The following CBX8 variants were observed in gnomAD, a reference collection of about 807,000 sequenced individuals.
CBX8 encodes the protein chromobox 8, also known as chromobox protein homolog 8.
CBX8 carries 8 observed loss-of-function variants against 39.7 expected under a neutral mutation model. That is an observed-to-expected ratio of 0.20 (90% CI 0.12 to 0.36). CBX8 has a LOEUF of 0.36. Among genes scored for constraint, CBX8 ranks in the 10% least tolerant of loss-of-function variants. The probability of loss-of-function intolerance (pLI) is 1.00; values close to 1 mark genes in which losing one functional copy is unlikely to be tolerated. For missense variants in CBX8, 505 were observed against 529.6 expected, an observed-to-expected ratio of 0.95 and a Z score of 0.46; for synonymous variants, 268 against 219.8, an observed-to-expected ratio of 1.22 and a Z score of -1.94.
chr17:79,793,894 A>G lies in CBX8; in HGVS notation c.*741T>C, dbSNP rs1383267926. ...GACATACACACGATCTGCGTGTACC[A>G]CACACACACCCCTCCCTAAAGTGCA... is the stretch of plus-strand genomic sequence containing the variant. On this transcript the variant is annotated 3_prime_UTR_variant, in exon 5 of 5. Transcript: ENST00000269385. 6.6e-6 allele frequency: 1 copy of G among 151,996 alleles called. No homozygotes were observed. Among genetic ancestry groups the G allele is most frequent in the Admixed American group, 6.6e-5 (1 of 15,260 alleles). The allele number at this position is 151,996 out of a possible 1,614,324, so 9.4% of individuals were successfully genotyped here. A position where few individuals can be genotyped will look rare whatever the true frequency, so the allele number is the denominator to read the frequency against.
Position 79,795,339 on chromosome 17 carries a change from T to A in CBX8, c.466A>T (p.Arg156Trp), listed in dbSNP as rs199842203. The change falls in exon 5 of 5, where the codon AGG becomes TGG. Residue 156 changes from arginine (R) to tryptophan (W), a missense_variant. Around this residue, in one of 3 missense-constraint regions of CBX8, gnomAD observed 456 missense variants for 389.2 expected, o/e 1.17. Coordinates refer to ENST00000269385, the MANE Select transcript of CBX8 (RefSeq NM_020649.3). The surrounding 1 kb of genome is among the most constrained non-coding windows in gnomAD (Gnocchi z 5.8). ...APRDRDRDRD[R>W]DRERDRERER... The stretch of plus-strand genomic sequence containing the variant: ...CTTTCTCGATCCCGCTCCCGGTCCC[T>A]ATCCCGGTCTCGGTCCCGGTCCCGA... The A allele has an allele frequency of 6.3e-7, 1 of 1,584,888 alleles. No homozygotes were observed. Among genetic ancestry groups the A allele is most frequent in the Non-Finnish European group, 8.6e-7 (1 of 1,164,386 alleles).
Position 79,796,966 on chromosome 17 carries a change from G to A in CBX8, c.33C>T (p.Phe11=). Reference sequence around the variant, plus strand: ...GCCGCTTCAGGAGGGCTTCGGCCGCGAACACCCGCTCCCCCACCGCTGAAA... The same window carrying A: ...GCCGCTTCAGGAGGGCTTCGGCCGCAAACACCCGCTCCCCCACCGCTGAAA... MELSAVGERV[F]AAEALLKRRI... Residue 11 remains phenylalanine, a synonymous_variant, in exon 1 of 5, where the codon TTC becomes TTT. Coordinates refer to ENST00000269385, the MANE Select transcript of CBX8 (RefSeq NM_020649.3). 6 of 1,610,662 alleles carry A rather than the reference G, an allele frequency of 3.7e-6. No homozygotes were observed. The highest frequency in any genetic ancestry group is 5.1e-6 in the Non-Finnish European group (6 of 1,178,954).
Position 79,795,194 on chromosome 17 carries a change from C to A in CBX8, c.611G>T (p.Arg204Leu), listed in dbSNP as rs767825797. Residue 204 changes from arginine (R) to leucine (L), a missense_variant, in exon 5 of 5, where the codon CGG becomes CTG. Arg to Leu is a moderately radical substitution (Grantham distance 102). Around this residue, in one of 3 missense-constraint regions of CBX8, gnomAD observed 456 missense variants for 389.2 expected, o/e 1.17. Transcript: ENST00000269385. This position sits in a 1 kb window ranked among gnomAD's most constrained non-coding sequence, Gnocchi z 5.8. ...CTGTGAGGGGTCCGGGAGCTCCTTCCGGGGCTTGGGGCCTCGCTTCTTCGA... is the reference window on the plus strand; with the variant it reads ...CTGTGAGGGGTCCGGGAGCTCCTTCAGGGGCTTGGGGCCTCGCTTCTTCGA... ...DSSKKRGPKP[R>L]KELPDPSQRP... 4 of 1,613,318 alleles carry A rather than the reference C, an allele frequency of 2.5e-6. No homozygotes were observed. The highest frequency in any genetic ancestry group is 1.1e-5 in the South Asian group (1 of 90,760).
Position 79,792,967 on chromosome 17 carries a change from C to T in CBX8, c.*1668G>A, listed in dbSNP as rs1907932004. ...CCTCTGGCGTGCAGGGCCCCCGCGCCCCTCCCTCAACAAGCAATGGGAAGT... is the reference window on the plus strand; with the variant it reads ...CCTCTGGCGTGCAGGGCCCCCGCGCTCCTCCCTCAACAAGCAATGGGAAGT... On this transcript the variant is annotated 3_prime_UTR_variant, in exon 5 of 5. Coordinates refer to ENST00000269385, the MANE Select transcript of CBX8 (RefSeq NM_020649.3). 6.6e-6 allele frequency: 1 copy of T among 152,090 alleles called. No individual in the cohort carries two copies. Among genetic ancestry groups the T allele is most frequent in the South Asian group, 2.1e-4 (1 of 4,812 alleles). The allele number at this position is 152,090 out of a possible 1,614,324, so 9.4% of individuals were successfully genotyped here. A position where few individuals can be genotyped will look rare whatever the true frequency, so the allele number is the denominator to read the frequency against.
chr17:79,794,749 G>A lies in CBX8; in HGVS notation c.1056C>T (p.Ser352=), dbSNP rs1201496841. ...CCTTCTCCAGGTTAGTCAGGGAGGG[G>A]CTCCAGGACTCTTCCTCCGGGTCCC... ...ILGDPEEESW[S]PSLTNLEKVV... Residue 352 remains serine (S), a synonymous_variant, in exon 5 of 5, where the codon AGC becomes AGT. Coordinates refer to ENST00000269385, the MANE Select transcript of CBX8 (RefSeq NM_020649.3). 6.2e-7 allele frequency: 1 copy of A among 1,611,254 alleles called. No individual in the cohort carries two copies. The highest frequency in any genetic ancestry group is 8.5e-7 in the Non-Finnish European group (1 of 1,177,584).
At position 79,795,577 on chromosome 17, in the gene CBX8, T is replaced by G; in HGVS notation, c.247-19A>C. 1.3e-6 allele frequency: 2 copies of G among 1,496,154 alleles called. No individual in the cohort carries two copies. The highest frequency in any genetic ancestry group is 2.8e-5 in the South Asian group (2 of 72,100). The allele number at this position is 1,496,154 out of a possible 1,614,324, so 92.7% of individuals were successfully genotyped here. A position where few individuals can be genotyped will look rare whatever the true frequency, so the allele number is the denominator to read the frequency against. On this transcript the variant is annotated intron_variant, in intron 4 of 4. Transcript: ENST00000269385. The surrounding 1 kb of genome is among the most constrained non-coding windows in gnomAD (Gnocchi z 5.8). ...CCTGCGCCTGCAGGAGAGAAGATGG[T>G]CTCAAGAGTGGGGCAGGGCCCTGTC...
Position 79,794,412 on chromosome 17 carries a change from T to C in CBX8, c.*223A>G, listed in dbSNP as rs1374903131. The stretch of plus-strand genomic sequence containing the variant: ...AATATATATATTTAGATATTTTTCT[T>C]AAATAACATATTTACATCTAATAGA... On this transcript the variant is annotated 3_prime_UTR_variant, in exon 5 of 5. Coordinates refer to ENST00000269385, the MANE Select transcript of CBX8 (RefSeq NM_020649.3). 3.1e-6 allele frequency: 1 copy of C among 324,152 alleles called. No individual in the cohort carries two copies. The highest frequency in any genetic ancestry group is 2.1e-5 in the African/African-American group (1 of 46,880). 20.1% of individuals were successfully genotyped at this position (324,152 alleles called of 1,614,324 possible).
Position 79,793,492 on chromosome 17 carries a change from A to T in CBX8, c.*1143T>A, listed in dbSNP as rs899640991. On this transcript the variant is annotated 3_prime_UTR_variant, in exon 5 of 5. Transcript: ENST00000269385. ...CCACACTCCAAGCCTGGCCGTGGAG[A>T]GGCCCTGGGTGCGAAGCCACTGCTC... is the stretch of plus-strand genomic sequence containing the variant. 2 of 152,202 alleles carry T rather than the reference A, an allele frequency of 1.3e-5. No homozygotes were observed. Among genetic ancestry groups the T allele is most frequent in the African/African-American group, 4.8e-5 (2 of 41,382 alleles). The allele number at this position is 152,202 out of a possible 1,614,324, so 9.4% of individuals were successfully genotyped here.
In CBX8 at chr17:79,795,388, G is replaced by T. The variant is rs781600152; in HGVS notation, c.417C>A (p.Ser139Arg). The T allele has an allele frequency of 1.2e-6, 2 of 1,600,370 alleles. No individual in the cohort carries two copies. The highest frequency in any genetic ancestry group is 3.5e-5 in the Admixed American group (2 of 57,702). Residue 139 changes from serine (S) to arginine (R), a missense_variant, in exon 5 of 5, where the codon AGC (serine) becomes AGA (arginine). By Grantham distance (110) the Ser-to-Arg change is moderately radical. Around this residue, in one of 3 missense-constraint regions of CBX8, gnomAD observed 456 missense variants for 389.2 expected, o/e 1.17. Coordinates refer to ENST00000269385, the MANE Select transcript of CBX8 (RefSeq NM_020649.3). The surrounding 1 kb of genome is among the most constrained non-coding windows in gnomAD (Gnocchi z 5.8). ...LSPPASSTSTSSTCRAEAPRD... is the reference protein window; with the variant it reads ...LSPPASSTSTRSTCRAEAPRD... ...GAGGGGCCTCTGCGCGGCAGGTGCT[G>T]CTGGTGCTGGTGCTGCTCGCTGGCG...
In CBX8 at chr17:79,794,843, T is replaced by C. The variant is rs1908006072; in HGVS notation, c.962A>G (p.Tyr321Cys). The C allele has an allele frequency of 6.2e-7, 1 of 1,608,912 alleles. No individual in the cohort carries two copies. Among genetic ancestry groups the C allele is most frequent in the East Asian group, 2.2e-5 (1 of 44,802 alleles). The change falls in exon 5 of 5, where the codon TAC becomes TGC. Residue 321 changes from tyrosine (Y) to cysteine (C), a missense_variant. Transcript: ENST00000269385. ...SGPPSSGGGL[Y>C]RDMGAQGGRP... ...TCCCCCCTGGGCCCCCATGTCCCGG[T>C]ACAGGCCCCCCCCAGAGCTGGGGGG...
chr17:79,796,800 C>G (rs1168332313), intron 1 of CBX8, 130 bp downstream of exon 1: 6 of 895,298 alleles, frequency 6.7e-6, no homozygotes, highest in Non-Finnish European at 9.9e-6. Flanking sequence ...CTGCCGCCGC[C>G]GCCGCCGCCA....
In CBX8 at chr17:79,795,258, T is replaced by C. The variant is rs1426109948; in HGVS notation, c.547A>G (p.Ser183Gly). 1.2e-6 allele frequency: 2 copies of C among 1,611,708 alleles called. No homozygotes were observed. Among genetic ancestry groups the C allele is most frequent in the East Asian group, 4.5e-5 (2 of 44,800 alleles). ...ERERERERGT[S>G]RVDDKPSSPG... ...GAGCTGGGCTTGTCATCCACTCTGCTGGTACCCCGCTCTCGTTCCCTCTCA... is the reference window on the plus strand; with the variant it reads ...GAGCTGGGCTTGTCATCCACTCTGCCGGTACCCCGCTCTCGTTCCCTCTCA... Residue 183 changes from serine to glycine, a missense_variant, in exon 5 of 5, where the codon AGC becomes GGC. By Grantham distance (56) the Ser-to-Gly change is moderately conservative (BLOSUM62 0). Coordinates refer to ENST00000269385, the MANE Select transcript of CBX8 (RefSeq NM_020649.3). This position sits in a 1 kb window ranked among gnomAD's most constrained non-coding sequence, Gnocchi z 5.8.
chr17:79,796,748 C>A (rs1908108592), intron 1 of CBX8, among the ~76,000 whole-genome samples, 182 bp downstream of exon 1: 1 of 134,434 alleles, frequency 7.4e-6, no homozygotes, highest in Non-Finnish European at 1.6e-5. Flanking sequence ...CCATGCAATC[C>A]GTGCATCGCT....
chr17:79,797,009 C>G lies in CBX8; in HGVS notation c.-11G>C, dbSNP rs1421602558. The G allele has an allele frequency of 1.2e-6, 2 of 1,607,064 alleles. No homozygotes were observed. The highest frequency in any genetic ancestry group is 2.7e-5 in the African/African-American group (2 of 74,370). On this transcript the variant is annotated 5_prime_UTR_variant, in exon 1 of 5. Coordinates refer to ENST00000269385, the MANE Select transcript of CBX8 (RefSeq NM_020649.3). ...CGCTGAAAGCTCCATGTTGACTCGC[C>G]GCTTCCCCCCTTGGCCGCTTCCAGG...
intron 1 of CBX8, 36 bp downstream of exon 1, chr17:79,796,894 C>G (rs1198070210): frequency 1.3e-6 from 2 of 1,574,158 alleles, no homozygotes; most frequent in African/African-American, 1.4e-5. Context: ...GGGGAGGGCC[C>G]GGCCGCACGG....
Position 79,796,901 on chromosome 17 carries a change from ACGGAGGCCCTAGGCCCGGGGGCACC to A in CBX8, c.69+4_69+28del. 2 of 1,578,164 alleles carry A rather than the reference ACGGAGGCCCTAGGCCCGGGGGCACC, an allele frequency of 1.3e-6. No homozygotes were observed. The highest frequency in any genetic ancestry group is 2.3e-5 in the South Asian group (2 of 87,984). Reference sequence around the variant, plus strand: ...GGCCGGGAGGGGAGGGCCCGGCCGCACGGAGGCCCTAGGCCCGGGGGCACCTACTTTCCGTATGCGCCGCTTCAGG... The same window carrying A: ...GGCCGGGAGGGGAGGGCCCGGCCGCATACTTTCCGTATGCGCCGCTTCAGG... On this transcript the variant is annotated splice_donor_5th_base_variant and intron_variant, in intron 1 of 4. Transcript: ENST00000269385.
Position 79,795,907 on chromosome 17 carries a change from C to A in CBX8, c.246+150G>T. The A allele has an allele frequency of 1.3e-6, 1 of 752,996 alleles. No individual in the cohort carries two copies. 46.6% of individuals were successfully genotyped at this position (752,996 alleles called of 1,614,324 possible). On this transcript the variant is annotated intron_variant, in intron 4 of 4. Transcript: ENST00000269385. This position sits in a 1 kb window ranked among gnomAD's most constrained non-coding sequence, Gnocchi z 5.8. ...CCCCCAGACACAGTTGGTGCTGCTA[C>A]TGACTTGGTGACATCTTGTCAGGGA...
rs771892086 is a variant in CBX8, at chr17:79,796,246, G to A, written c.179+4C>T. 4.5e-5 allele frequency: 72 copies of A among 1,614,072 alleles called. No individual in the cohort carries two copies. Among genetic ancestry groups the A allele is most frequent in the Non-Finnish European group, 5.5e-5 (65 of 1,180,032 alleles). ...GAGCGGCTGGGACTTGGAAGGGTCTGTACCTTTCCTCAAAGGCTGCGAGCA... is the reference window on the plus strand; with the variant it reads ...GAGCGGCTGGGACTTGGAAGGGTCTATACCTTTCCTCAAAGGCTGCGAGCA... On this transcript the variant is annotated splice_donor_region_variant and intron_variant, in intron 3 of 4. Transcript: ENST00000269385.
chr17:79,796,379 G>C (rs1318359152), intron 2 of CBX8, 64 bp from the exon 3 acceptor site: 1 of 1,593,418 alleles, frequency 6.3e-7, no homozygotes, highest in Non-Finnish European at 8.6e-7. Context: ...GAGGGGGTGT[G>C]TGTGTGTGTA....
Sources: allele counts gnomAD v4.1 joint callset (sites outside exome capture counted in the v4.1 genomes callset), GRCh38; gene constraint gnomAD v4.1.1; regional missense constraint gnomAD v4.1.1; non-coding constraint Gnocchi (gnomAD v3.1); transcripts MANE v1.5; gene names NCBI Gene and HGNC (gene_info 2026-07-23, HGNC 2026-07-21).